The following PCMTD1 variants were observed in gnomAD, a reference collection of about 807,000 sequenced individuals.
PCMTD1 encodes the protein protein-L-isoaspartate (D-aspartate) O-methyltransferase domain containing 1, also known as protein-L-isoaspartate O-methyltransferase domain-containing protein 1.
A neutral mutation model predicts 37.6 loss-of-function variants in PCMTD1; 12 were observed. The ratio of observed to expected loss-of-function variants is 0.32; its 90% CI spans 0.20 to 0.52. PCMTD1 has a LOEUF of 0.52. Ranked by LOEUF, PCMTD1 falls within the 20% of genes least tolerant of loss-of-function variation. PCMTD1 has a pLI of 0.97. For missense variants in PCMTD1, 235 were observed against 421.3 expected (o/e 0.56, Z 3.87); for synonymous variants, 117 against 135.8 (o/e 0.86, Z 0.96).
chr8:51,839,299 C>T (rs920339527), intron 3 of PCMTD1: 34 of 211,366 alleles, frequency 1.6e-4, no homozygotes, highest in Non-Finnish European at 2.6e-4. Context: ...TTCTCAGACT[C>T]TCTTAGGCAG....
At chr8:51,854,646 A>C (rs890601177) in intron 2 of PCMTD1, among the ~76,000 whole-genome samples, 2 of 152,192 alleles carry the variant, frequency 1.3e-5, no homozygotes, top group Non-Finnish European at 2.9e-5. Flanking sequence ...TGGGAGCCCG[A>C]GGTGGGCAGA....
chr8:51,892,001 A>G (rs929894074), intron 1 of PCMTD1, among the ~76,000 whole-genome samples: 1 of 152,200 alleles, frequency 6.6e-6, no homozygotes, highest in African/African-American at 2.4e-5. Context: ...ATAAGTCTGA[A>G]AGCATTCATA....
At chr8:51,894,233 T>C (rs577896288) in intron 1 of PCMTD1, among the ~76,000 whole-genome samples, 1 of 152,324 alleles carries the variant, frequency 6.6e-6, no homozygotes, top group South Asian at 2.1e-4. Flanking sequence ...AAAGTAAAAC[T>C]GAAGTTTACA....
chr8:51,886,598 C>G lies in PCMTD1; in HGVS notation c.-96+12332G>C, dbSNP rs983255480. ...CTACAAAAATGGGAAGAAATCTCACCTGGCAGGACTCAATGCCACCCCCAT... is the reference window on the plus strand; with the variant it reads ...CTACAAAAATGGGAAGAAATCTCACGTGGCAGGACTCAATGCCACCCCCAT... On this transcript the variant is annotated intron_variant, in intron 1 of 5. Transcript: ENST00000522514. Among the ~76,000 whole-genome samples the G allele has an allele frequency of 8.5e-5, 13 of 152,278 alleles. No individual in the cohort carries two copies. In the East Asian group the frequency reaches 2.3e-3, roughly 27 times the overall value.
chr8:51,878,234 T>C (rs2038740283), intron 1 of PCMTD1, among the ~76,000 whole-genome samples: 1 of 145,160 alleles, frequency 6.9e-6, no homozygotes, highest in South Asian at 2.2e-4. Flanking sequence ...TAAAATATTA[T>C]GAGATTTTTT....
At chr8:51,854,174 CA>C (rs1262732201) in intron 2 of PCMTD1, among the ~76,000 whole-genome samples, 2 of 152,036 alleles carry the variant, frequency 1.3e-5, no homozygotes, top group Non-Finnish European at 2.9e-5. Flanking sequence ...AAAATATAAC[CA>C]GAAGAAATTA....
chr8:51,871,845 C>T (rs1348471667), intron 1 of PCMTD1, among the ~76,000 whole-genome samples: 1 of 152,174 alleles, frequency 6.6e-6, no homozygotes, highest in Non-Finnish European at 1.5e-5. Context: ...ATTCTCTTGA[C>T]TATCTTTCTT....
intron 1 of PCMTD1, among the ~76,000 whole-genome samples, chr8:51,890,991 C>T (rs1181492326): frequency 6.6e-6 from 1 of 152,200 alleles, no homozygotes; most frequent in East Asian, 1.9e-4. Context: ...ATACGAGCCT[C>T]AGGTGATAAC....
At chr8:51,842,738 A>C (rs1239642953) in intron 3 of PCMTD1, among the ~76,000 whole-genome samples, 1 of 152,150 alleles carries the variant, frequency 6.6e-6, no homozygotes, top group East Asian at 1.9e-4. Flanking sequence ...AAATATATGT[A>C]TATAAGAAAA....
intron 1 of PCMTD1, among the ~76,000 whole-genome samples, chr8:51,873,456 A>G (rs2038666079): frequency 6.6e-6 from 1 of 152,214 alleles, no homozygotes; most frequent in Non-Finnish European, 1.5e-5. Flanking sequence ...GAACCAGAGA[A>G]AGTTTAATCA....
upstream of PCMTD1, chr8:51,899,063 T>C: frequency 6.7e-7 from 1 of 1,501,808 alleles, no homozygotes; most frequent in South Asian, 1.3e-5. Flanking sequence ...GACCCGCGAC[T>C]GGAGCAGCCA....
chr8:51,881,621 A>G (rs2038793769), intron 1 of PCMTD1, among the ~76,000 whole-genome samples: 1 of 135,418 alleles, frequency 7.4e-6, no homozygotes, highest in Non-Finnish European at 1.7e-5. Flanking sequence ...AATAATTACT[A>G]CACTTAGTAG....
chr8:51,854,723 A>T (rs2038357684), intron 2 of PCMTD1, among the ~76,000 whole-genome samples: 1 of 152,108 alleles, frequency 6.6e-6, no homozygotes. Flanking sequence ...CTAAAAATAC[A>T]AAAATTAGCT....
At chr8:51,854,039 T>C (rs774095250) in intron 2 of PCMTD1, among the ~76,000 whole-genome samples, 2 of 152,192 alleles carry the variant, frequency 1.3e-5, no homozygotes, top group Non-Finnish European at 2.9e-5. Context: ...CTGTATTTGC[T>C]ACATAGACAA....
chr8:51,846,126 T>C (rs1336972968), intron 2 of PCMTD1, among the ~76,000 whole-genome samples: 5 of 152,284 alleles, frequency 3.3e-5, no homozygotes, highest in South Asian at 2.1e-4. Context: ...TGCTAAAAAA[T>C]TGGTAATTCA....
rs147028566 is a variant in PCMTD1 at position 51,878,295 on chromosome 8, A to ATTTT, written c.-95-17053_-95-17050dup. Among the ~76,000 whole-genome samples, 655 of 109,754 alleles carry ATTTT rather than the reference A, an allele frequency of 6.0e-3. 25 individuals carry two copies. The East Asian group carries it at 0.12, about 20-fold the overall frequency. The allele number at this position is 109,754 out of a possible 152,430, so 72.0% of individuals were successfully genotyped here. On this transcript the variant is annotated intron_variant, in intron 1 of 5. Transcript: ENST00000522514. ...CATCAGCTATCCTTAGCATTAGTGT[A>ATTTT]TTTTACGTGTGGCCCATGACAATCT... is the stretch of plus-strand genomic sequence containing the variant.
chr8:51,844,298 G>A (rs1274209555), intron 3 of PCMTD1, among the ~76,000 whole-genome samples: 2 of 152,112 alleles, frequency 1.3e-5, no homozygotes, highest in Admixed American at 6.6e-5. Flanking sequence ...TGCATTACGT[G>A]TTGTTTATAA....
At chr8:51,896,453 C>CA (rs1368405904) in intron 1 of PCMTD1, 1 of 151,998 alleles carries the variant, frequency 6.6e-6, no homozygotes, top group African/African-American at 2.4e-5. Context: ...CACTAATTTA[C>CA]AAAAAAGTTC....
At chr8:51,839,481 A>C in intron 3 of PCMTD1, 17 of 985,416 alleles carry the variant, frequency 1.7e-5, no homozygotes, top group Non-Finnish European at 2.0e-5. Context: ...TGCATGTTGG[A>C]ATATCTTCAT....
Sources: gnomAD v4.1 joint callset for allele counts (sites outside exome capture counted in the v4.1 genomes callset) on GRCh38, gnomAD v4.1.1 for gene constraint, MANE v1.5 for transcripts, NCBI Gene and HGNC (gene_info 2026-07-23, HGNC 2026-07-21) for gene names.